Variants in RABGAP1L observed in about 807,000 individuals in gnomAD.
The protein encoded by RABGAP1L is rab GTPase-activating protein 1-like.
In RABGAP1L, 63 loss-of-function variants were observed where a neutral mutation model predicts 137.7. The observed-to-expected ratio is 0.46, with a 90% CI of 0.37 to 0.56. The LOEUF is 0.56. RABGAP1L is among the 20% of genes least tolerant of loss of function. The pLI, the probability that RABGAP1L is intolerant of heterozygous loss-of-function variation, is 0.00. For synonymous variants in RABGAP1L, 431 were observed against 433.7 expected (o/e 0.99, Z 0.08); for missense variants, 1,095 against 1,244.0 (o/e 0.88, Z 1.80).
At chr1:174,678,966 C>T (rs567791002) in intron 14 of RABGAP1L, among the ~76,000 whole-genome samples, 17 of 152,322 alleles carry the variant, frequency 1.1e-4, no homozygotes, top group Non-Finnish European at 2.2e-4. Context: ...AGCGAAAGCT[C>T]AGCTTGAGCC....
At chr1:174,670,495 TTTC>T (rs1197234254) in intron 14 of RABGAP1L, among the ~76,000 whole-genome samples, 7 of 152,162 alleles carry the variant, frequency 4.6e-5, no homozygotes, top group Non-Finnish European at 8.8e-5. Context: ...TTACTCATTC[TTTC>T]TTCTTTTTTT....
chr1:174,597,704 G>T (rs1325426222), intron 13 of RABGAP1L, among the ~76,000 whole-genome samples: 1 of 151,636 alleles, frequency 6.6e-6, no homozygotes, highest in African/African-American at 2.4e-5. Flanking sequence ...CTTGTGTATT[G>T]TTCTTTTTCT....
chr1:174,713,445 A>G (rs1680747822), intron 17 of RABGAP1L, among the ~76,000 whole-genome samples: 1 of 152,146 alleles, frequency 6.6e-6, no homozygotes, highest in Non-Finnish European at 1.5e-5. Flanking sequence ...GTATTGGATG[A>G]TGGGGGCAGA....
At chr1:174,329,621 A>T (rs995977654) in intron 11 of RABGAP1L, among the ~76,000 whole-genome samples, 1 of 152,182 alleles carries the variant, frequency 6.6e-6, no homozygotes, top group African/African-American at 2.4e-5. Flanking sequence ...TTAAAAAGGT[A>T]ATTCACCATT....
chr1:174,600,066 T>C (rs1302835881), intron 13 of RABGAP1L, among the ~76,000 whole-genome samples: 1 of 152,146 alleles, frequency 6.6e-6, no homozygotes, highest in Non-Finnish European at 1.5e-5. Context: ...CTCAGAATCA[T>C]GGTGGGAGAC....
intron 13 of RABGAP1L, among the ~76,000 whole-genome samples, chr1:174,577,252 CACACACACACACAT>C (rs1668442671): frequency 8.3e-6 from 1 of 120,958 alleles, no homozygotes; most frequent in African/African-American, 3.2e-5. Context: ...CACACACACA[CACACACACACACAT>C]TGAGAGTCAG....
At chr1:174,194,257 C>T (rs1389798541) in intron 1 of RABGAP1L, among the ~76,000 whole-genome samples, 4 of 140,874 alleles carry the variant, frequency 2.8e-5, no homozygotes, top group Admixed American at 7.3e-5. Context: ...TTTTTGGAGA[C>T]GGAGTCTTGC....
At chr1:174,747,424 A>C (rs1052270017) in intron 17 of RABGAP1L, among the ~76,000 whole-genome samples, 47 of 151,572 alleles carry the variant, frequency 3.1e-4, no homozygotes, top group Non-Finnish European at 4.9e-4. Context: ...AAAAAAAAAA[A>C]AACCTGATAG....
At chr1:174,578,037 C>A (rs1668498578) in intron 13 of RABGAP1L, among the ~76,000 whole-genome samples, 1 of 152,076 alleles carries the variant, frequency 6.6e-6, no homozygotes, top group East Asian at 1.9e-4. Context: ...ACTGGGAACA[C>A]CATTCTTTTA....
At chr1:174,735,612 C>CAAAAAAAAAAAAAAAAAAAAAAAA (rs59281177) in intron 17 of RABGAP1L, among the ~76,000 whole-genome samples, 1 of 46,134 alleles carries the variant, frequency 2.2e-5, no homozygotes, top group Non-Finnish European at 3.8e-5. Flanking sequence ...AACTCCATCT[C>CAAAAAAAAAAAAAAAAAAAAAAAA]AAAAAAAAAA....
intron 13 of RABGAP1L, among the ~76,000 whole-genome samples, chr1:174,423,056 A>T (rs957766690): frequency 7.9e-5 from 12 of 151,886 alleles, no homozygotes; most frequent in African/African-American, 2.2e-4. Context: ...ATATAATTTC[A>T]TTTAACCTTT....
chr1:174,830,906 G>T (rs1692045440), intron 19 of RABGAP1L, among the ~76,000 whole-genome samples: 1 of 148,002 alleles, frequency 6.8e-6, no homozygotes, highest in African/African-American at 2.5e-5. Flanking sequence ...TTTGAGTAGA[G>T]ATACTCTGAT....
intron 18 of RABGAP1L, among the ~76,000 whole-genome samples, chr1:174,753,261 G>A (rs1216632887): frequency 6.6e-6 from 1 of 152,124 alleles, no homozygotes; most frequent in African/African-American, 2.4e-5. Flanking sequence ...CATTATTATT[G>A]TTCTTTACAA....
intron 13 of RABGAP1L, among the ~76,000 whole-genome samples, chr1:174,565,486 T>C (rs984214029): frequency 3.3e-5 from 5 of 152,164 alleles, no homozygotes; most frequent in Non-Finnish European, 7.4e-5. Context: ...GACTAGTTAC[T>C]TTCTTCTTCA....
rs776501293 is a variant in RABGAP1L, at chr1:174,221,062, T to C, written c.229T>C (p.Cys77Arg). ...EKRPSSLLVD[C>R]QSSSEISDHS... ...AAGGCCAAGCAGTCTTCTTGTTGAT[T>C]GTCAAAGTTCCAGTGAGATTTCAGA... Residue 77 changes from cysteine (C) to arginine (R), a missense_variant, in exon 3 of 26, where the codon TGT (cysteine) becomes CGT (arginine). Transcript: ENST00000681986. 3 of 1,613,868 alleles carry C rather than the reference T, an allele frequency of 1.9e-6. No homozygotes were observed. The African/African-American group carries it at 4.0e-5, about 22-fold the overall frequency.
chr1:174,942,957 TCAGCACC>T (rs1376214606), intron 19 of RABGAP1L, among the ~76,000 whole-genome samples: 3 of 152,220 alleles, frequency 2.0e-5, no homozygotes. Context: ...TGTCTTCCTC[TCAGCACC>T]CAGCAGAATG....
chr1:174,950,038 G>C (rs1386799634), intron 19 of RABGAP1L, among the ~76,000 whole-genome samples: 1 of 152,174 alleles, frequency 6.6e-6, no homozygotes, highest in Admixed American at 6.6e-5. Flanking sequence ...ATGAATAAAG[G>C]TCCAGGTACA....
chr1:174,944,924 C>T (rs1558264627), intron 19 of RABGAP1L, among the ~76,000 whole-genome samples: 2 of 152,210 alleles, frequency 1.3e-5, no homozygotes, highest in Middle Eastern at 3.4e-3. Flanking sequence ...TTTTAGCAAG[C>T]GACATGTATT....
intron 17 of RABGAP1L, among the ~76,000 whole-genome samples, chr1:174,746,711 G>A (rs1331279811): frequency 6.6e-6 from 1 of 151,928 alleles, no homozygotes; most frequent in Non-Finnish European, 1.5e-5. Context: ...ATCACTTTTG[G>A]AATTAGGTTA....
Sources: allele counts gnomAD v4.1 joint callset (sites outside exome capture counted in the v4.1 genomes callset), GRCh38; gene constraint gnomAD v4.1.1; transcripts MANE v1.5; gene names NCBI Gene and HGNC (gene_info 2026-07-23, HGNC 2026-07-21).